DMD: variants seen among roughly 807,000 people sequenced by gnomAD.
DMD encodes dystrophin.
A neutral mutation model predicts 330.1 loss-of-function variants in DMD; 63 were observed. The ratio of observed to expected loss-of-function variants is 0.19; its 90% CI spans 0.16 to 0.24. DMD has a LOEUF of 0.24. Ranked by LOEUF, DMD falls within the 10% of genes least tolerant of loss-of-function variation. DMD has a pLI of 1.00. For synonymous variants in DMD, 1,223 were observed against 959.8 expected (o/e 1.27, Z -5.07); for missense variants, 3,344 against 2,684.1 (o/e 1.25, Z -5.43).
intron 74 of DMD, among the ~76,000 whole-genome samples, chrX:31,163,560 G>T (rs186409807): frequency 8.9e-6 from 1 of 112,173 alleles, no homozygotes; most frequent in African/African-American, 3.2e-5. Context: ...GGGAACAGCC[G>T]TAGGAATCAG....
chrX:32,178,519 CTAT>C (rs1248200233), intron 44 of DMD, among the ~76,000 whole-genome samples: 2 of 109,417 alleles, frequency 1.8e-5, no homozygotes, highest in African/African-American at 6.7e-5. Context: ...TGAATACACA[CTAT>C]TATTAACTGT....
chrX:32,763,767 G>A (rs183609661), intron 7 of DMD, among the ~76,000 whole-genome samples: 77 of 111,471 alleles, frequency 6.9e-4, no homozygotes, highest in East Asian at 2.8e-3. Context: ...AAGCAGTAGC[G>A]ATAAAAACAT....
At chrX:32,859,459 TCTCA>T (rs1400743810) in intron 2 of DMD, among the ~76,000 whole-genome samples, 51 of 69,602 alleles carry the variant, frequency 7.3e-4, no homozygotes, top group African/African-American at 2.6e-3. Flanking sequence ...CGAAGCAAGA[TCTCA>T]CACACACACA....
intron 44 of DMD, among the ~76,000 whole-genome samples, chrX:32,191,574 T>C (rs1475204453): frequency 9.0e-6 from 1 of 111,396 alleles, no homozygotes; most frequent in Non-Finnish European, 1.9e-5. Flanking sequence ...AATAGACAGA[T>C]TCCTTTCCCT....
chrX:31,575,688 C>A (rs891193461), intron 55 of DMD, among the ~76,000 whole-genome samples: 4 of 112,120 alleles, frequency 3.6e-5, no homozygotes. Flanking sequence ...TTGGACACAA[C>A]GCCTTTTATA....
In DMD at chrX:33,171,197, ACTCT is replaced by A. The variant is rs760538296; in HGVS notation, c.31+40081_31+40084del. 1.3e-3 allele frequency among the ~76,000 whole-genome samples: 116 copies of A among 89,610 alleles called. No homozygotes were observed. In the East Asian group the frequency reaches 0.037, roughly 29 times the overall value. The allele number at this position is 89,610 out of a possible 115,157, so 77.8% of individuals were successfully genotyped here. ...CCAGATGGATTGAACACTCCTTTAA[ACTCT>A]CTCTCTCTCTCTCAGCTGTCTAAAT... On this transcript the variant is annotated intron_variant, in intron 1 of 78. Transcript: ENST00000357033.
At chrX:33,086,303 T>C (rs1166858292) in intron 1 of DMD, among the ~76,000 whole-genome samples, 4 of 111,975 alleles carry the variant, frequency 3.6e-5, no homozygotes, top group Non-Finnish European at 7.5e-5. Context: ...ATATCAAATC[T>C]CTTTCCCATG....
At chrX:32,037,960 T>C (rs544023728) in intron 44 of DMD, among the ~76,000 whole-genome samples, 16 of 111,784 alleles carry the variant, frequency 1.4e-4, no homozygotes, top group African/African-American at 4.9e-4. Flanking sequence ...GCTACAACTT[T>C]AATGTGGCAA....
intron 7 of DMD, among the ~76,000 whole-genome samples, chrX:32,730,140 C>T (rs1336790181): frequency 1.8e-5 from 2 of 111,233 alleles, no homozygotes; most frequent in African/African-American, 3.3e-5. Flanking sequence ...TGAGACCAAC[C>T]GGGGCAATGA....
At chrX:31,471,207 C>T (rs1345442533) in intron 59 of DMD, among the ~76,000 whole-genome samples, 4 of 111,351 alleles carry the variant, frequency 3.6e-5, no homozygotes, top group Admixed American at 2.8e-4. Context: ...ATGAAAAAAA[C>T]GCCTGCAGCT....
intron 60 of DMD, among the ~76,000 whole-genome samples, chrX:31,410,141 C>G (rs1348659487): frequency 1.8e-5 from 2 of 112,278 alleles, no homozygotes; most frequent in African/African-American, 6.5e-5. Context: ...TTTAAAGCGG[C>G]ATGCATCTTT....
chrX:32,933,054 G>A (rs761886004), intron 2 of DMD, among the ~76,000 whole-genome samples: 1 of 111,354 alleles, frequency 9.0e-6, no homozygotes, highest in African/African-American at 3.3e-5. Context: ...CTATTTCCCT[G>A]TTTCTTGTAT....
In DMD at chrX:31,214,937, C is replaced by CTTTTTTTTTTTTT; in HGVS notation, c.9362-5251_9362-5239dup. Reference sequence around the variant, plus strand: ...AAAGATACTTTTTTATTTCTTTTTTCTTTTTTTTTTTTTTTTTTTTTTGAG... The same window carrying CTTTTTTTTTTTTT: ...AAAGATACTTTTTTATTTCTTTTTTCTTTTTTTTTTTTTTTTTTTTTTTTTTTTTTTTTTTGAG... On this transcript the variant is annotated intron_variant, in intron 64 of 78. Coordinates refer to ENST00000357033, the MANE Select transcript of DMD (RefSeq NM_004006.3). Among the ~76,000 whole-genome samples, 317 of 38,071 alleles carry CTTTTTTTTTTTTT rather than the reference C, an allele frequency of 8.3e-3. 10 individuals carry two copies. The highest frequency in any genetic ancestry group is 0.012 in the East Asian group (12 of 972). 33.1% of individuals were successfully genotyped at this position (38,071 alleles called of 115,157 possible). A position where few individuals can be genotyped will look rare whatever the true frequency, so the allele number is the denominator to read the frequency against.
intron 55 of DMD, among the ~76,000 whole-genome samples, chrX:31,565,598 T>G (rs1294122919): frequency 8.9e-6 from 1 of 111,963 alleles, no homozygotes; most frequent in Non-Finnish European, 1.9e-5. Context: ...AATGGTGGTA[T>G]GAATATTTTT....
At chrX:31,511,795 C>T (rs1202536557) in intron 55 of DMD, among the ~76,000 whole-genome samples, 1 of 104,189 alleles carries the variant, frequency 9.6e-6, no homozygotes, top group Non-Finnish European at 2.0e-5. Context: ...AATAAACATA[C>T]GTGTGCATGT....
chrX:31,805,378 G>A (rs1157142755), intron 50 of DMD, among the ~76,000 whole-genome samples: 1 of 111,896 alleles, frequency 8.9e-6, no homozygotes, highest in Non-Finnish European at 1.9e-5. Flanking sequence ...CTGAGATGTG[G>A]TGTATAACAT....
intron 1 of DMD, among the ~76,000 whole-genome samples, chrX:33,208,141 C>T (rs192449514): frequency 9.0e-6 from 1 of 111,547 alleles, no homozygotes; most frequent in East Asian, 2.8e-4. Flanking sequence ...AACTGCACCG[C>T]CTCCATTAAC....
intron 1 of DMD, among the ~76,000 whole-genome samples, chrX:33,181,864 G>T (rs1426563484): frequency 1.8e-5 from 2 of 111,789 alleles, no homozygotes; most frequent in Non-Finnish European, 3.8e-5. Flanking sequence ...GTAAGATCCT[G>T]CTTTTGACGG....
intron 42 of DMD, among the ~76,000 whole-genome samples, chrX:32,306,614 A>G (rs2097541191): frequency 9.0e-6 from 1 of 110,813 alleles, no homozygotes; most frequent in Non-Finnish European, 1.9e-5. Flanking sequence ...TGTGTGCCTG[A>G]TATTTTTTCT....
Sources: gnomAD v4.1 joint callset for allele counts (sites outside exome capture counted in the v4.1 genomes callset) on GRCh38, gnomAD v4.1.1 for gene constraint, MANE v1.5 for transcripts, NCBI Gene and HGNC (gene_info 2026-07-23, HGNC 2026-07-21) for gene names.